Variants in RGS12 observed in about 807,000 individuals in gnomAD.
RGS12 encodes regulator of G protein signaling 12, also known as regulator of G-protein signaling 12.
Under a neutral mutation model 120.1 loss-of-function variants are expected in RGS12, and 66 were observed. The ratio of observed to expected loss-of-function variants is 0.55; its 90% CI spans 0.45 to 0.67. RGS12 has a LOEUF of 0.67. RGS12 is among the 30% of genes least tolerant of loss of function. The pLI is 0.00. For missense variants in RGS12, 1,859 were observed against 1,957.7 expected (o/e 0.95, Z 0.95); for synonymous variants, 827 against 804.7 (o/e 1.03, Z -0.47).
intron 4 of RGS12, among the ~76,000 whole-genome samples, chr4:3,407,917 C>G (rs963497070): frequency 2.6e-5 from 4 of 152,216 alleles, no homozygotes; most frequent in African/African-American, 9.6e-5. Flanking sequence ...CAAATCTAAA[C>G]AGACTTTAAA....
chr4:3,410,160 G>A (rs1436201033), intron 4 of RGS12, among the ~76,000 whole-genome samples: 3 of 152,226 alleles, frequency 2.0e-5, no homozygotes, highest in African/African-American at 7.2e-5. Flanking sequence ...TGCCTCATTT[G>A]TCAGCATAAA....
intron 17 of RGS12, among the ~76,000 whole-genome samples, chr4:3,437,758 A>G (rs1724946235): frequency 6.6e-6 from 1 of 152,272 alleles, no homozygotes; most frequent in South Asian, 2.1e-4. Flanking sequence ...GGCCCCACAC[A>G]GCTCCCACAT....
Position 3,365,312 on chromosome 4 carries a change from C to T in RGS12, c.1999-21104C>T, listed in dbSNP as rs1716190686. Among the ~76,000 whole-genome samples the T allele has an allele frequency of 6.6e-6, 1 of 152,074 alleles. No homozygotes were observed. The highest frequency in any genetic ancestry group is 1.5e-5 in the Non-Finnish European group (1 of 68,010). ...GGTCGAGTGCGTGGTGTCGCCTGCA[C>T]AGCGGGCAGTGCCTACTCTTGGCCC... On this transcript the variant is annotated intron_variant, in intron 3 of 17. Coordinates refer to ENST00000336727, the MANE Select transcript of RGS12 (RefSeq NM_001394154.1). The surrounding 1 kb of genome is among the most constrained non-coding windows in gnomAD (Gnocchi z 4.0).
intron 17 of RGS12, among the ~76,000 whole-genome samples, chr4:3,439,107 C>T (rs540416107): frequency 6.6e-6 from 1 of 151,998 alleles, no homozygotes; most frequent in East Asian, 2.0e-4. Flanking sequence ...CCTGAGGACG[C>T]CCCCAGGAGG....
chr4:3,301,690 G>T (rs547407847), intron 1 of RGS12, among the ~76,000 whole-genome samples: 1 of 152,034 alleles, frequency 6.6e-6, no homozygotes, highest in Admixed American at 6.5e-5. Flanking sequence ...CCGGGGTCTG[G>T]GCTGTGCTTG....
intron 2 of RGS12, chr4:3,324,010 G>C (rs1725390212): frequency 6.6e-6 from 1 of 152,274 alleles, no homozygotes; most frequent in Non-Finnish European, 1.5e-5. Flanking sequence ...TGTGGCCTTT[G>C]CCTTTTCCAG....
At chr4:3,291,781 C>T (rs1441273694), upstream of RGS12, among the ~76,000 whole-genome samples, 2 of 152,182 alleles carry the variant, frequency 1.3e-5, no homozygotes, top group African/African-American at 4.8e-5. Context: ...TTCAGCCCTG[C>T]AGGTGAAAAC....
upstream of RGS12, among the ~76,000 whole-genome samples, chr4:3,288,871 G>A (rs1021444439): frequency 6.6e-5 from 10 of 152,136 alleles, no homozygotes; most frequent in African/African-American, 2.4e-4. This position sits in a 1 kb window ranked among gnomAD's most constrained non-coding sequence, Gnocchi z 5.2. Context: ...TCTAATTATG[G>A]ACGCCGTCAA....
At chr4:3,318,360 G>A (rs1401682738) in intron 2 of RGS12, among the ~76,000 whole-genome samples, 1 of 152,174 alleles carries the variant, frequency 6.6e-6, no homozygotes, top group African/African-American at 2.4e-5. Context: ...TCAGGATAAG[G>A]CCCTTCCTCC....
chr4:3,388,611 G>C (rs947865153), intron 4 of RGS12, among the ~76,000 whole-genome samples: 1 of 146,914 alleles, frequency 6.8e-6, no homozygotes, highest in Non-Finnish European at 1.5e-5. Context: ...CACACGCCCA[G>C]CCCCATGGTC....
chr4:3,331,153 C>G (rs948613027), intron 2 of RGS12, among the ~76,000 whole-genome samples: 5 of 152,138 alleles, frequency 3.3e-5, no homozygotes, highest in African/African-American at 1.2e-4. Context: ...ATGCAAGTCA[C>G]AAAAACACAT....
intron 3 of RGS12, among the ~76,000 whole-genome samples, chr4:3,353,237 C>T (rs911979635): frequency 3.9e-5 from 6 of 152,188 alleles, no homozygotes; most frequent in East Asian, 3.9e-4. Context: ...GGACTACAAA[C>T]GTACACTACT....
In RGS12 at chr4:3,360,211, C is replaced by T. The variant is rs1254884295; in HGVS notation, c.1998+17158C>T. Among the ~76,000 whole-genome samples, 8 of 152,264 alleles carry T rather than the reference C, an allele frequency of 5.3e-5. 1 individual carries two copies. In the South Asian group the frequency reaches 1.2e-3, roughly 24 times the overall value. The stretch of plus-strand genomic sequence containing the variant: ...ATGTCTGTGGAATTGGTAATAATGT[C>T]CCTTTTATCATTTCTGATTTTAGTA... On this transcript the variant is annotated intron_variant, in intron 3 of 17. Transcript: ENST00000336727.
In RGS12 at chr4:3,433,198, C is replaced by G. The variant is rs1463016565; in HGVS notation, c.4114+2243C>G. 1.3e-5 allele frequency among the ~76,000 whole-genome samples: 2 copies of G among 152,204 alleles called. No individual in the cohort carries two copies. The highest frequency in any genetic ancestry group is 2.9e-5 in the Non-Finnish European group (2 of 68,026). On this transcript the variant is annotated intron_variant, in intron 17 of 17. Coordinates refer to ENST00000336727, the MANE Select transcript of RGS12 (RefSeq NM_001394154.1). This position sits in a 1 kb window ranked among gnomAD's most constrained non-coding sequence, Gnocchi z 4.4. ...CTTGGGGGTCATCCCGGGTCACGCTCTCCGACGTTGACAGTTGCTGTGGGA... is the reference window on the plus strand; with the variant it reads ...CTTGGGGGTCATCCCGGGTCACGCTGTCCGACGTTGACAGTTGCTGTGGGA...
rs558310970 is a variant in RGS12 at position 3,417,412 on chromosome 4, C to T, written c.2632C>T (p.Arg878Ter). Residue 878 changes from arginine to a stop codon, truncating the protein, a stop_gained, in exon 9 of 18, where the codon CGA (arginine) becomes TGA (stop). Transcript: ENST00000336727. LOFTEE classifies it high-confidence loss of function. The stretch of plus-strand genomic sequence containing the variant: ...GTTAAGTGGAAAATCAAAATCCGGC[C>T]GATCCCTGAATGAAGAGCTGGGGGA... ...KKLSGKSKSGRSLNEELGDED... is the reference protein window; with the variant it reads ...KKLSGKSKSG 5 of 1,574,076 alleles carry T rather than the reference C, an allele frequency of 3.2e-6. No homozygotes were observed. The highest frequency in any genetic ancestry group is 1.1e-5 in the South Asian group (1 of 87,930).
chr4:3,404,446 T>A (rs774106756), intron 4 of RGS12, among the ~76,000 whole-genome samples: 58 of 152,218 alleles, frequency 3.8e-4, no homozygotes, highest in Non-Finnish European at 7.6e-4. Context: ...GATTTTAAGC[T>A]GGGCGAGTAA....
At chr4:3,417,713 C>G in intron 9 of RGS12, 172 bp downstream of exon 9, 1 of 664,238 alleles carries the variant, frequency 1.5e-6, no homozygotes, top group Non-Finnish European at 2.5e-6. Flanking sequence ...TGTCTGGGGA[C>G]ACGACCTGTC....
intron 1 of RGS12, among the ~76,000 whole-genome samples, chr4:3,293,858 C>G (rs556625275): frequency 1.4e-3 from 125 of 92,324 alleles, no homozygotes; most frequent in African/African-American, 6.0e-3. Context: ...GGAGTGTAGA[C>G]AGAGAGAGGG....
At chr4:3,368,909 C>T (rs1716675223) in intron 3 of RGS12, among the ~76,000 whole-genome samples, 1 of 152,092 alleles carries the variant, frequency 6.6e-6, no homozygotes, top group Non-Finnish European at 1.5e-5. Context: ...CCTGTCGTAC[C>T]TAATGTAGAC....
Sources: gnomAD v4.1 joint callset for allele counts (sites outside exome capture counted in the v4.1 genomes callset) on GRCh38, gnomAD v4.1.1 for gene constraint, Gnocchi (gnomAD v3.1) non-coding constraint, MANE v1.5 for transcripts, NCBI Gene and HGNC (gene_info 2026-07-23, HGNC 2026-07-21) for gene names.